Variants in DNAH14 observed in about 807,000 individuals in gnomAD.
DNAH14 encodes dynein axonemal heavy chain 14.
A neutral mutation model predicts 520.9 loss-of-function variants in DNAH14; 478 were observed. The observed-to-expected ratio is 0.92, with a 90% confidence interval of 0.85 to 0.99. The LOEUF (loss-of-function observed/expected upper bound fraction) is 0.99, where lower values mean the gene tolerates loss of function less well. DNAH14 is among the 50% of genes least tolerant of loss of function. DNAH14 has a pLI of 0.00. For missense variants in DNAH14, 4,831 were observed against 5,234.5 expected, an observed-to-expected ratio of 0.92 and a Z score of 2.38; for synonymous variants, 1,581 against 1,757.2, an observed-to-expected ratio of 0.90 and a Z score of 2.51.
chr1:224,962,780 G>A (rs1050689333), intron 4 of DNAH14, among the ~76,000 whole-genome samples: 2 of 152,052 alleles, frequency 1.3e-5, no homozygotes, highest in South Asian at 4.1e-4. Flanking sequence ...TGAAAGTTAT[G>A]TGTTCCTTAT....
At chr1:225,223,076 A>T (rs2090202703) in intron 41 of DNAH14, among the ~76,000 whole-genome samples, 1 of 152,146 alleles carries the variant, frequency 6.6e-6, no homozygotes, top group South Asian at 2.1e-4. Flanking sequence ...CAAAAATAAC[A>T]AAGAGAAAAC....
chr1:225,322,680 C>G lies in DNAH14; in HGVS notation c.9352C>G (p.Pro3118Ala). The G allele has an allele frequency of 6.5e-7, 1 of 1,540,362 alleles. No homozygotes were observed. The highest frequency in any genetic ancestry group is 1.4e-5 in the African/African-American group (1 of 73,010). ...VAELRVYTRP[P>A]FLVLTVMNAV... Reference sequence around the variant, plus strand: ...CTATTACAGAGTATACACACGGCCTCCCTTCCTTGTACTGACTGTCATGAA... The same window carrying G: ...CTATTACAGAGTATACACACGGCCTGCCTTCCTTGTACTGACTGTCATGAA... The change falls in exon 62 of 86, where the codon CCC becomes GCC. Residue 3118 changes from proline to alanine, a missense_variant. Pro to Ala is a conservative substitution (Grantham distance 27). Transcript: ENST00000682510.
chr1:224,980,060 C>A (rs2062152174), intron 8 of DNAH14, among the ~76,000 whole-genome samples: 1 of 152,178 alleles, frequency 6.6e-6, no homozygotes, highest in Admixed American at 6.5e-5. Flanking sequence ...CCAGCACATT[C>A]ACAGCTGTGG....
chr1:225,270,890 A>G lies in DNAH14; in HGVS notation c.7671+24A>G, dbSNP rs1476764008. On this transcript the variant is annotated intron_variant, in intron 50 of 85. Transcript: ENST00000682510. ...AGGTAACACATCTAGTTCATTTTCT[A>G]CTGAAAAAAATTAATTCCCTAGAAT... 5.2e-6 allele frequency: 8 copies of G among 1,538,030 alleles called. No homozygotes were observed. The South Asian group carries it at 8.5e-5, about 16-fold the overall frequency.
intron 55 of DNAH14, among the ~76,000 whole-genome samples, chr1:225,291,419 GT>G (rs888555008): frequency 7.2e-5 from 11 of 151,858 alleles, no homozygotes; most frequent in African/African-American, 2.4e-4. Context: ...TTTATTTGCA[GT>G]TTTTGTTTTG....
chr1:225,274,625 T>C (rs2093421104), intron 52 of DNAH14, among the ~76,000 whole-genome samples: 1 of 152,212 alleles, frequency 6.6e-6, no homozygotes, highest in Non-Finnish European at 1.5e-5. Context: ...AAACTCCCTA[T>C]AAATGCCAAC....
In DNAH14 at chr1:225,100,000, A is replaced by T. The variant is rs2075312893; in HGVS notation, c.3696-713A>T. ...AAATATAGGTGAACAGAAAAAAAAG[A>T]AATAATGCAACTGTATAATTATAGA... On this transcript the variant is annotated intron_variant, in intron 22 of 85. Transcript: ENST00000682510. Among the ~76,000 whole-genome samples, 3 of 152,168 alleles carry T rather than the reference A, an allele frequency of 2.0e-5. No individual in the cohort carries two copies. The South Asian group carries it at 6.2e-4, about 32-fold the overall frequency.
intron 38 of DNAH14, among the ~76,000 whole-genome samples, chr1:225,203,693 TA>T (rs2087159128): frequency 6.6e-6 from 1 of 152,222 alleles, no homozygotes; most frequent in South Asian, 2.1e-4. Flanking sequence ...TAATTTTCAT[TA>T]AAAGTGAAAA....
intron 55 of DNAH14, among the ~76,000 whole-genome samples, chr1:225,297,206 G>A: frequency 6.6e-6 from 1 of 151,784 alleles, no homozygotes. Flanking sequence ...TCTGAGATGT[G>A]TTTTTGATCC....
rs2150931844 is a variant in DNAH14, at chr1:225,399,128, G to A, written c.13713G>A (p.Gln4571=). ...ELYAFECPVY[Q]TPERSRILAT... ...ATGCTTTTGAATGCCCAGTTTACCA[G>A]ACACCTGAGAGGTCAAGAATTTTGG... Residue 4571 remains glutamine (Q), a synonymous_variant, in exon 86 of 86, where the codon CAG becomes CAA. Coordinates refer to ENST00000682510, the MANE Select transcript of DNAH14 (RefSeq NM_001367479.1). 6.4e-7 allele frequency: 1 copy of A among 1,551,592 alleles called. No homozygotes were observed. The highest frequency in any genetic ancestry group is 8.7e-7 in the Non-Finnish European group (1 of 1,147,004).
rs867158938 is a variant in DNAH14 at position 225,017,270 on chromosome 1, G to A, written c.1108-6345G>A. ...TTATAGGCTTCAGCACATATAAGTA[G>A]TCTTCTTTTTGTCTAATGTTTAAAT... On this transcript the variant is annotated intron_variant, in intron 10 of 85. Transcript: ENST00000682510. Among the ~76,000 whole-genome samples the A allele has an allele frequency of 5.3e-5, 8 of 152,304 alleles. No individual in the cohort carries two copies. In the South Asian group the frequency reaches 1.7e-3, roughly 32 times the overall value.
chr1:225,159,822 A>G (rs1363780187), intron 35 of DNAH14, among the ~76,000 whole-genome samples: 2 of 152,216 alleles, frequency 1.3e-5, no homozygotes, highest in African/African-American at 4.8e-5. Flanking sequence ...TTAGATCAGC[A>G]TTATGAAAAA....
At position 225,096,975 on chromosome 1, in the gene DNAH14, G is replaced by A. The variant is rs902574597; in HGVS notation, c.3574-143G>A. On this transcript the variant is annotated intron_variant, in intron 21 of 85. Transcript: ENST00000682510. Reference sequence around the variant, plus strand: ...CCTAAAACTAAATACAATTAGATCTGTATTCATTTATGTGACTTTCTATTA... The same window carrying A: ...CCTAAAACTAAATACAATTAGATCTATATTCATTTATGTGACTTTCTATTA... 20 of 671,454 alleles carry A rather than the reference G, an allele frequency of 3.0e-5. No individual in the cohort carries two copies. In the Admixed American group the frequency reaches 3.1e-4, roughly 10 times the overall value. 41.6% of individuals were successfully genotyped at this position (671,454 alleles called of 1,614,324 possible).
At chr1:225,218,247 A>C (rs11586783) in intron 41 of DNAH14, among the ~76,000 whole-genome samples, 1 of 152,120 alleles carries the variant, frequency 6.6e-6, no homozygotes, top group Non-Finnish European at 1.5e-5. Flanking sequence ...AAACTAATCA[A>C]CTAGTGGGTA....
intron 42 of DNAH14, 98 bp downstream of exon 42, chr1:225,231,249 T>G: frequency 1.3e-6 from 1 of 793,530 alleles, no homozygotes; most frequent in South Asian, 2.4e-5. Context: ...AATACTTTTG[T>G]ATTTTCATAG....
intron 42 of DNAH14, among the ~76,000 whole-genome samples, chr1:225,240,157 CT>C (rs1355612254): frequency 1.3e-5 from 2 of 151,930 alleles, no homozygotes; most frequent in East Asian, 3.9e-4. Flanking sequence ...TTATAATTTC[CT>C]TTTCCAAAAT....
Position 225,300,869 on chromosome 1 carries a change from G to A in DNAH14, c.8470G>A (p.Asp2824Asn). 6.4e-7 allele frequency: 1 copy of A among 1,550,614 alleles called. No individual in the cohort carries two copies. The highest frequency in any genetic ancestry group is 1.2e-5 in the South Asian group (1 of 83,858). The change falls in exon 56 of 86, where the codon GAC becomes AAC. Residue 2824 changes from aspartate (D) to asparagine (N), a missense_variant and splice_region_variant. By Grantham distance (23) the Asp-to-Asn change is conservative (BLOSUM62 1). Transcript: ENST00000682510. ...TCATTAAATATGTGTTTTGCCTAAG[G>A]ACTCATTTTTAGAAGATTTGAACTA... ...LMVPNLNIEQ[D>N]SFLEDLNYII...
intron 54 of DNAH14, among the ~76,000 whole-genome samples, chr1:225,280,502 G>A (rs1363457783): frequency 1.3e-5 from 2 of 152,056 alleles, no homozygotes; most frequent in African/African-American, 2.4e-5. Context: ...GGGAGGCTGA[G>A]GCAGGAGAAT....
At chr1:224,972,473 T>TA (rs2061555988) in intron 7 of DNAH14, among the ~76,000 whole-genome samples, 1 of 150,964 alleles carries the variant, frequency 6.6e-6, no homozygotes, top group African/African-American at 2.4e-5. Flanking sequence ...CTGGCTAATT[T>TA]TTTTTTTTTT....
Sources: allele counts gnomAD v4.1 joint callset (sites outside exome capture counted in the v4.1 genomes callset), GRCh38; gene constraint gnomAD v4.1.1; transcripts MANE v1.5; gene names NCBI Gene and HGNC (gene_info 2026-07-23, HGNC 2026-07-21).